WWOX: variants seen among roughly 807,000 people sequenced by gnomAD.
WWOX encodes WW domain-containing oxidoreductase.
In WWOX, 69 loss-of-function variants were observed where a neutral mutation model predicts 46.2. The ratio of observed to expected loss-of-function variants is 1.49; its 90% CI spans 1.23 to 1.82. The LOEUF is 1.82. WWOX is among the 40% of genes most tolerant of loss of function. The pLI is 0.00. For missense variants in WWOX, 919 were observed against 542.6 expected (o/e 1.69, Z -6.89); for synonymous variants, 359 against 202.6 (o/e 1.77, Z -6.56).
chr16:78,676,874 G>T (rs887015489), intron 8 of WWOX, among the ~76,000 whole-genome samples: 12 of 152,054 alleles, frequency 7.9e-5, no homozygotes, highest in Admixed American at 7.2e-4. Flanking sequence ...TTCCATTTTT[G>T]AGTATTACTT....
At chr16:78,525,783 C>G (rs914533668) in intron 8 of WWOX, 2 of 150,270 alleles carry the variant, frequency 1.3e-5, no homozygotes, top group Non-Finnish European at 2.9e-5. Context: ...TTTGTACTGA[C>G]TCTGACCCAG....
chr16:78,982,748 C>T (rs776819476), intron 8 of WWOX, among the ~76,000 whole-genome samples: 1 of 152,138 alleles, frequency 6.6e-6, no homozygotes, highest in African/African-American at 2.4e-5. Context: ...TGCAAACCCT[C>T]GAGAAGTTTG....
chr16:78,357,072 C>T (rs1003946435), intron 5 of WWOX, among the ~76,000 whole-genome samples: 2 of 152,202 alleles, frequency 1.3e-5, no homozygotes, highest in Non-Finnish European at 2.9e-5. Context: ...AAGGCCCAGG[C>T]AGGGGTGCTG....
chr16:79,142,268 G>T (rs531333548), intron 8 of WWOX, among the ~76,000 whole-genome samples: 1 of 152,108 alleles, frequency 6.6e-6, no homozygotes, highest in African/African-American at 2.4e-5. Flanking sequence ...TGGTAGTGAC[G>T]GGTGCCTCCA....
intron 8 of WWOX, among the ~76,000 whole-genome samples, chr16:78,901,453 T>C (rs1422874360): frequency 6.6e-6 from 1 of 152,252 alleles, no homozygotes; most frequent in Non-Finnish European, 1.5e-5. Context: ...TTTTCTGTTT[T>C]GCTCCTTCTT....
chr16:78,687,177 T>C (rs2047882131), intron 8 of WWOX, among the ~76,000 whole-genome samples: 1 of 152,194 alleles, frequency 6.6e-6, no homozygotes, highest in African/African-American at 2.4e-5. Flanking sequence ...ATTTACACTG[T>C]TCAACACAGT....
At chr16:78,489,570 T>G (rs1334860786) in intron 8 of WWOX, among the ~76,000 whole-genome samples, 1 of 152,162 alleles carries the variant, frequency 6.6e-6, no homozygotes, top group Non-Finnish European at 1.5e-5. Flanking sequence ...GTTACATGTT[T>G]GAGCATTTAA....
At chr16:78,363,744 T>C (rs969027975) in intron 5 of WWOX, among the ~76,000 whole-genome samples, 6 of 152,160 alleles carry the variant, frequency 3.9e-5, no homozygotes, top group Non-Finnish European at 1.5e-5. Flanking sequence ...AATGGGACTC[T>C]GGAGTAGATG....
chr16:78,210,127 T>G (rs2036512394), intron 5 of WWOX, among the ~76,000 whole-genome samples: 2 of 152,232 alleles, frequency 1.3e-5, no homozygotes, highest in Non-Finnish European at 2.9e-5. Context: ...TTTGTCATGT[T>G]ATGACAGAAA....
intron 8 of WWOX, among the ~76,000 whole-genome samples, chr16:78,926,043 G>C (rs2045489801): frequency 6.6e-6 from 1 of 152,224 alleles, no homozygotes; most frequent in Non-Finnish European, 1.5e-5. Flanking sequence ...TCTGGAGACA[G>C]ACAGGACAGG....
chr16:78,939,323 A>T (rs7203568), intron 8 of WWOX, among the ~76,000 whole-genome samples: 1 of 152,082 alleles, frequency 6.6e-6, no homozygotes, highest in South Asian at 2.1e-4. Flanking sequence ...ATCCTCAGTA[A>T]TGTGTGTCCC....
At chr16:78,295,271 T>A (rs1222548201) in intron 5 of WWOX, among the ~76,000 whole-genome samples, 1 of 152,204 alleles carries the variant, frequency 6.6e-6, no homozygotes, top group East Asian at 1.9e-4. Flanking sequence ...AATCAAGCTG[T>A]CTCAGATGCC....
At chr16:79,165,874 G>A (rs1176905969) in intron 8 of WWOX, among the ~76,000 whole-genome samples, 4 of 152,136 alleles carry the variant, frequency 2.6e-5, no homozygotes, top group African/African-American at 4.8e-5. Context: ...CTAAGCACCC[G>A]TCCCTCTTCT....
At position 79,212,173 on chromosome 16, in the gene WWOX, C is replaced by A; in HGVS notation, c.*377C>A. 2.7e-6 allele frequency: 4 copies of A among 1,480,842 alleles called. No homozygotes were observed. Among genetic ancestry groups the A allele is most frequent in the Non-Finnish European group, 3.6e-6 (4 of 1,124,978 alleles). 91.7% of individuals were successfully genotyped at this position (1,480,842 alleles called of 1,614,324 possible). A position where few individuals can be genotyped will look rare whatever the true frequency, so the allele number is the denominator to read the frequency against. ...CATCCAGCTACCACCACGGCCACCA[C>A]TGCAGCCGGGGGCTGGCCTTCTCCT... On this transcript the variant is annotated 3_prime_UTR_variant, in exon 9 of 9. Transcript: ENST00000566780.
intron 8 of WWOX, among the ~76,000 whole-genome samples, chr16:78,544,079 C>T (rs1408207114): frequency 6.6e-6 from 1 of 152,018 alleles, no homozygotes; most frequent in Non-Finnish European, 1.5e-5. Flanking sequence ...AAGCAGAAAC[C>T]CATGTTTTTG....
chr16:78,757,466 C>G (rs1049244175), intron 8 of WWOX, among the ~76,000 whole-genome samples: 2 of 152,090 alleles, frequency 1.3e-5, no homozygotes, highest in Admixed American at 6.5e-5. Context: ...GTTTGCCTGA[C>G]AAATACCATC....
chr16:78,853,024 G>C (rs932985554), intron 8 of WWOX, among the ~76,000 whole-genome samples: 2 of 152,150 alleles, frequency 1.3e-5, no homozygotes, highest in African/African-American at 4.8e-5. Context: ...CAGATAATTA[G>C]TAATGTCTTA....
chr16:78,730,181 T>G (rs1480393707), intron 8 of WWOX, among the ~76,000 whole-genome samples: 2 of 152,174 alleles, frequency 1.3e-5, no homozygotes, highest in Non-Finnish European at 2.9e-5. Flanking sequence ...CTATTTTATT[T>G]TAAAGCTCTG....
intron 8 of WWOX, among the ~76,000 whole-genome samples, chr16:78,765,715 T>C (rs1271363368): frequency 3.3e-5 from 5 of 152,154 alleles, no homozygotes; most frequent in Admixed American, 3.3e-4. Flanking sequence ...AAAGGTGAGC[T>C]TTAATGAGTT....
Sources: allele counts gnomAD v4.1 joint callset (sites outside exome capture counted in the v4.1 genomes callset), GRCh38; gene constraint gnomAD v4.1.1; transcripts MANE v1.5; gene names NCBI Gene and HGNC (gene_info 2026-07-23, HGNC 2026-07-21).